RFPL1: variants seen among roughly 807,000 people sequenced by gnomAD.
The protein encoded by RFPL1 is ret finger protein-like 1.
Under a neutral mutation model 9.6 loss-of-function variants are expected in RFPL1, and 6 were observed. The ratio of observed to expected loss-of-function variants is 0.62; its 90% confidence interval spans 0.34 to 1.23. The LOEUF (loss-of-function observed/expected upper bound fraction) is 1.23, where lower values mean the gene tolerates loss of function less well. RFPL1 is among the 50% of genes most tolerant of loss of function. The pLI, the probability that RFPL1 is intolerant of heterozygous loss-of-function variation, is 0.03. For missense variants in RFPL1, 352 were observed against 398.4 expected, an observed-to-expected ratio of 0.88 and a Z score of 0.99; for synonymous variants, 145 against 149.4, an observed-to-expected ratio of 0.97 and a Z score of 0.22.
At chr22:29,398,394 CAA>C in the RFPL1 span, among the ~76,000 whole-genome samples, 1 of 152,162 alleles carries the variant, frequency 6.6e-6, no homozygotes, top group East Asian at 1.9e-4. Flanking sequence ...AGACTCCACG[CAA>C]AAATCATGAA....
chr22:29,410,563 T>TATATATATCTACTATATATAGAG, the RFPL1 span, among the ~76,000 whole-genome samples: 77 of 92,246 alleles, frequency 8.3e-4, no homozygotes, highest in African/African-American at 1.8e-3. Context: ...ATATTGTAGA[T>TATATATATCTACTATATATAGAG]ATATATATTG....
At chr22:29,422,722 G>A in the RFPL1 span, among the ~76,000 whole-genome samples, 2 of 152,106 alleles carry the variant, frequency 1.3e-5, no homozygotes, top group East Asian at 3.9e-4. Context: ...CAGCTTGGGC[G>A]ACAAGAGTGA....
the RFPL1 span, among the ~76,000 whole-genome samples, chr22:29,416,293 C>T: frequency 6.6e-6 from 1 of 152,024 alleles, no homozygotes; most frequent in Non-Finnish European, 1.5e-5. Context: ...TGTGGACACC[C>T]TGCTGAGCAA....
the RFPL1 span, among the ~76,000 whole-genome samples, chr22:29,418,355 G>A: frequency 6.6e-6 from 1 of 152,154 alleles, no homozygotes; most frequent in Admixed American, 6.5e-5. Flanking sequence ...GATAGAGGCT[G>A]CACACCGGTG....
At chr22:29,441,712 T>C (rs1476419921) in exon 2 of RFPL1, 1 of 1,613,776 alleles carries the variant, frequency 6.2e-7, no homozygotes, top group Non-Finnish European at 8.5e-7. Context: ...CCGCCACTAC[T>C]GGGAGGTGGA....
upstream of RFPL1, among the ~76,000 whole-genome samples, chr22:29,435,989 G>GA (rs148848509): frequency 4.3e-3 from 654 of 152,258 alleles, 3 homozygotes; most frequent in Non-Finnish European, 7.6e-3. Context: ...GGAGCTAAAT[G>GA]AAAAATGCTG....
At chr22:29,442,042 G>A (rs2062843107) in exon 2 of RFPL1, 1 of 1,613,924 alleles carries the variant, frequency 6.2e-7, no homozygotes, top group Non-Finnish European at 8.5e-7. Flanking sequence ...ACCTAATGGT[G>A]ATAAGAGTGT....
At chr22:29,429,218 T>C in the RFPL1 span, among the ~76,000 whole-genome samples, 3 of 152,094 alleles carry the variant, frequency 2.0e-5, no homozygotes, top group Non-Finnish European at 4.4e-5. Flanking sequence ...TCATGCCCTG[T>C]GAATTTTTCT....
chr22:29,419,036 C>A, the RFPL1 span: 3 of 682,522 alleles, frequency 4.4e-6, no homozygotes, highest in Non-Finnish European at 8.0e-6. Flanking sequence ...ATGAAGGGAG[C>A]TGTATGAGGG....
chr22:29,400,081 C>T, the RFPL1 span, among the ~76,000 whole-genome samples: 4 of 151,230 alleles, frequency 2.6e-5, no homozygotes, highest in South Asian at 2.1e-4. Flanking sequence ...CTGCAAGCTC[C>T]GCCTCCTGGG....
chr22:29,439,197 C>A lies in RFPL1; in HGVS notation c.373+33C>A, dbSNP rs749953713. 32 of 1,590,152 alleles carry A rather than the reference C, an allele frequency of 2.0e-5. 1 individual carries two copies. In the South Asian group the frequency reaches 3.1e-4, roughly 15 times the overall value. On this transcript the variant is annotated intron_variant, in intron 1 of 1. Coordinates refer to ENST00000354373, the Ensembl canonical transcript of RFPL1. Reference sequence around the variant, plus strand: ...ATCTGTATACACTGCCCCCTTCCTACGACCAGACCAGGAAAAATCATCTGT... The same window carrying A: ...ATCTGTATACACTGCCCCCTTCCTAAGACCAGACCAGGAAAAATCATCTGT...
chr22:29,416,932 C>A, the RFPL1 span, among the ~76,000 whole-genome samples: 4 of 152,066 alleles, frequency 2.6e-5, no homozygotes, highest in African/African-American at 9.7e-5. Flanking sequence ...CAGGCCTTCT[C>A]AAGATGTGAA....
chr22:29,410,714 A>G, the RFPL1 span, among the ~76,000 whole-genome samples: 1 of 147,666 alleles, frequency 6.8e-6, no homozygotes, highest in East Asian at 2.0e-4. Flanking sequence ...TTAACATGGC[A>G]CAATCTCGGC....
chr22:29,411,567 C>T, the RFPL1 span, among the ~76,000 whole-genome samples: 250 of 151,330 alleles, frequency 1.7e-3, no homozygotes, highest in African/African-American at 5.4e-3. Flanking sequence ...TGACTCTCAA[C>T]TTAAATCTCA....
At chr22:29,425,743 G>T in the RFPL1 span, among the ~76,000 whole-genome samples, 3 of 152,128 alleles carry the variant, frequency 2.0e-5, no homozygotes, top group Admixed American at 1.3e-4. Context: ...GCGGTGGGTG[G>T]ATCACCTGAG....
chr22:29,424,656 TAAAAA>T, the RFPL1 span, among the ~76,000 whole-genome samples: 4 of 121,832 alleles, frequency 3.3e-5, no homozygotes, highest in Admixed American at 1.7e-4. Context: ...AAGGACAAAG[TAAAAA>T]AAAAAAAAAA....
chr22:29,390,460 A>G, the RFPL1 span, among the ~76,000 whole-genome samples: 4 of 152,152 alleles, frequency 2.6e-5, no homozygotes, highest in African/African-American at 7.2e-5. Context: ...ATTGAGTCCC[A>G]TATACCCTTC....
chr22:29,410,311 TATAG>T, the RFPL1 span, among the ~76,000 whole-genome samples: 1 of 96,388 alleles, frequency 1.0e-5, no homozygotes, highest in Admixed American at 1.1e-4. Flanking sequence ...TATATCTATA[TATAG>T]ATATATATAT....
At chr22:29,398,321 G>A in the RFPL1 span, among the ~76,000 whole-genome samples, 78 of 152,312 alleles carry the variant, frequency 5.1e-4, 1 homozygote, top group Non-Finnish European at 9.7e-4. Flanking sequence ...GCTAGGACTC[G>A]TAATAATGGT....
Sources: allele counts gnomAD v4.1 joint callset (sites outside exome capture counted in the v4.1 genomes callset), GRCh38; gene constraint gnomAD v4.1.1; transcripts MANE v1.5; gene names NCBI Gene and HGNC (gene_info 2026-07-23, HGNC 2026-07-21).